Variants in SIL1 observed in about 807,000 individuals in gnomAD.
SIL1 encodes the protein nucleotide exchange factor SIL1.
Under a neutral mutation model 49.1 loss-of-function variants are expected in SIL1, and 40 were observed. That is an observed-to-expected ratio of 0.81 (90% CI 0.63 to 1.06). The LOEUF is 1.06. Among genes scored for constraint, SIL1 ranks in the 50% least tolerant of loss-of-function variants. SIL1 has a pLI of 0.00. For synonymous variants in SIL1, 253 were observed against 250.8 expected (o/e 1.01, Z -0.08); for missense variants, 500 against 572.6 (o/e 0.87, Z 1.29).
rs556088623 is a variant in SIL1 at position 139,169,638 on chromosome 5, C to T, written c.-11+28631G>A. Among the ~76,000 whole-genome samples, 4 of 152,108 alleles carry T rather than the reference C, an allele frequency of 2.6e-5. No homozygotes were observed. The South Asian group carries it at 6.2e-4, about 24-fold the overall frequency. On this transcript the variant is annotated intron_variant, in intron 1 of 9. Coordinates refer to ENST00000394817, the MANE Select transcript of SIL1 (RefSeq NM_022464.5). Reference sequence around the variant, plus strand: ...CTGGGACTACAGGTGCACACCACCACACCTGGCTAATTTTTTGAATTTTTA... The same window carrying T: ...CTGGGACTACAGGTGCACACCACCATACCTGGCTAATTTTTTGAATTTTTA...
At chr5:139,136,420 A>G (rs982852915) in intron 1 of SIL1, among the ~76,000 whole-genome samples, 2 of 152,224 alleles carry the variant, frequency 1.3e-5, no homozygotes, top group African/African-American at 2.4e-5. Context: ...AAGCAACAGG[A>G]GCAGAGCGAC....
At chr5:139,171,056 T>C (rs1311274791) in intron 1 of SIL1, among the ~76,000 whole-genome samples, 122 of 80,340 alleles carry the variant, frequency 1.5e-3, no homozygotes, top group Middle Eastern at 9.3e-3. Context: ...CCCGGCCAGC[T>C]GCCCCGTCCG....
At chr5:139,089,174 C>G (rs1770289201) in intron 3 of SIL1, among the ~76,000 whole-genome samples, 1 of 152,188 alleles carries the variant, frequency 6.6e-6, no homozygotes, top group African/African-American at 2.4e-5. Context: ...ATTTGAAAGA[C>G]TCCTGAGAAG....
At chr5:139,152,260 C>T (rs567387138) in intron 1 of SIL1, among the ~76,000 whole-genome samples, 1 of 152,216 alleles carries the variant, frequency 6.6e-6, no homozygotes, top group Non-Finnish European at 1.5e-5. Context: ...AATGCAACGT[C>T]AAAGTATCCT....
At chr5:139,062,045 C>T (rs1769600985) in intron 3 of SIL1, among the ~76,000 whole-genome samples, 1 of 152,206 alleles carries the variant, frequency 6.6e-6, no homozygotes, top group Admixed American at 6.5e-5. Flanking sequence ...TACTAAAGCC[C>T]TCTCCTCCTG....
In SIL1 at chr5:139,119,014, G is replaced by A. The variant is rs1750548370; in HGVS notation, c.244+2021C>T. ...GAGTTGCTTTGCCCTCTGAGCTACA[G>A]GGCCTCTGCGTCTGGGTGCAACTGC... is the stretch of plus-strand genomic sequence containing the variant. On this transcript the variant is annotated intron_variant, in intron 3 of 9. Coordinates refer to ENST00000394817, the MANE Select transcript of SIL1 (RefSeq NM_022464.5). Among the ~76,000 whole-genome samples, 4 of 152,224 alleles carry A rather than the reference G, an allele frequency of 2.6e-5. No individual in the cohort carries two copies. In the South Asian group the frequency reaches 8.3e-4, roughly 32 times the overall value.
At chr5:139,182,763 A>AG (rs1225075421) in intron 1 of SIL1, among the ~76,000 whole-genome samples, 1 of 152,210 alleles carries the variant, frequency 6.6e-6, no homozygotes, top group African/African-American at 2.4e-5. Flanking sequence ...TGAAAAACCC[A>AG]GGGGGTTTCA....
At chr5:139,079,697 TAAACTC>T (rs1457842865) in intron 3 of SIL1, among the ~76,000 whole-genome samples, 1 of 152,226 alleles carries the variant, frequency 6.6e-6, no homozygotes, top group Non-Finnish European at 1.5e-5. Flanking sequence ...AATGGAAAGT[TAAACTC>T]TACTGAATAA....
intron 3 of SIL1, among the ~76,000 whole-genome samples, chr5:139,057,062 G>T (rs1195469613): frequency 6.6e-6 from 1 of 152,042 alleles, no homozygotes; most frequent in Non-Finnish European, 1.5e-5. Context: ...TCCACTCAGG[G>T]TTAAATGGAT....
At chr5:139,040,989 T>A (rs1769035719) in intron 5 of SIL1, among the ~76,000 whole-genome samples, 2 of 152,076 alleles carry the variant, frequency 1.3e-5, no homozygotes, top group South Asian at 2.1e-4. Flanking sequence ...GGGTCCTCCA[T>A]CCACAGAGAA....
At chr5:139,168,833 G>A (rs539809485) in intron 1 of SIL1, among the ~76,000 whole-genome samples, 1 of 151,794 alleles carries the variant, frequency 6.6e-6, no homozygotes, top group Non-Finnish European at 1.5e-5. Context: ...CTGACGGCAC[G>A]TGTCTGTAGT....
chr5:139,141,005 CACT>C (rs1041013786), intron 1 of SIL1, among the ~76,000 whole-genome samples: 1 of 152,148 alleles, frequency 6.6e-6, no homozygotes, highest in African/African-American at 2.4e-5. Flanking sequence ...GCAGAACTGA[CACT>C]GTCCTGCCAA....
intron 3 of SIL1, among the ~76,000 whole-genome samples, chr5:139,105,222 G>A (rs1166336481): frequency 6.6e-6 from 1 of 152,142 alleles, no homozygotes; most frequent in Non-Finnish European, 1.5e-5. Flanking sequence ...CGATATGTGG[G>A]GAAGGTGGTG....
intron 7 of SIL1, among the ~76,000 whole-genome samples, chr5:138,997,511 G>C (rs780124072): frequency 1.3e-5 from 2 of 152,098 alleles, no homozygotes; most frequent in East Asian, 1.9e-4. Flanking sequence ...TTGTTTTGTT[G>C]GTTTGTTTGT....
rs149096035 is a variant in SIL1, at chr5:139,026,767, A to G, written c.645+34T>C. On this transcript the variant is annotated intron_variant, in intron 6 of 9. Transcript: ENST00000394817. ...AGGGGGATTTATTTTTGGAGCTGTT[A>G]AAAGTCTGACTTATGGACGAAGAAA... is the stretch of plus-strand genomic sequence containing the variant. The G allele has an allele frequency of 7.4e-4, 1,189 of 1,603,432 alleles. 17 individuals carry two copies. The African/African-American group carries it at 0.014, about 18-fold the overall frequency.
At chr5:139,143,344 C>CATATATATATATATATATAT (rs1314250793) in intron 1 of SIL1, among the ~76,000 whole-genome samples, 6 of 97,496 alleles carry the variant, frequency 6.2e-5, no homozygotes, top group African/African-American at 2.2e-4. Flanking sequence ...CACACACACA[C>CATATATATATATATATATAT]ATATATATAT....
intron 1 of SIL1, among the ~76,000 whole-genome samples, chr5:139,133,847 C>G (rs574693642): frequency 6.6e-6 from 1 of 152,174 alleles, no homozygotes; most frequent in Non-Finnish European, 1.5e-5. Flanking sequence ...AAGGAAGAAA[C>G]TGAAGCAAAG....
intron 7 of SIL1, among the ~76,000 whole-genome samples, chr5:138,972,706 C>T (rs1013648868): frequency 4.6e-5 from 7 of 152,210 alleles, no homozygotes; most frequent in Admixed American, 4.6e-4. Context: ...TTTTGTTAAT[C>T]CCAGAGAAAC....
chr5:139,031,621 A>C (rs1345015535), intron 5 of SIL1, among the ~76,000 whole-genome samples: 3 of 152,344 alleles, frequency 2.0e-5, no homozygotes, highest in African/African-American at 7.2e-5. Flanking sequence ...CAAACTTTAG[A>C]ATAAGCTCAT....
Sources: allele counts gnomAD v4.1 joint callset (sites outside exome capture counted in the v4.1 genomes callset), GRCh38; gene constraint gnomAD v4.1.1; transcripts MANE v1.5; gene names NCBI Gene and HGNC (gene_info 2026-07-23, HGNC 2026-07-21).